GPR149: variants seen among roughly 807,000 people sequenced by gnomAD.
GPR149 encodes probable G protein-coupled receptor 149.
GPR149 carries 50 observed loss-of-function variants against 50.2 expected under a neutral mutation model. The ratio of observed to expected loss-of-function variants is 1.00; its 90% CI spans 0.79 to 1.26. GPR149 has a LOEUF of 1.26. Among genes scored for constraint, GPR149 ranks in the 50% most tolerant of loss-of-function variants. GPR149 has a pLI of 0.00. For synonymous variants in GPR149, 405 were observed against 358.2 expected (o/e 1.13, Z -1.48); for missense variants, 983 against 895.4 (o/e 1.10, Z -1.25).
chr3:154,348,669 C>A (rs182021490), intron 3 of GPR149, among the ~76,000 whole-genome samples: 112 of 152,242 alleles, frequency 7.4e-4, no homozygotes, highest in African/African-American at 2.6e-3. Flanking sequence ...GAGACTTCAA[C>A]CCCTCTCTCG....
intron 3 of GPR149, among the ~76,000 whole-genome samples, chr3:154,359,717 C>G (rs942794370): frequency 6.6e-6 from 1 of 152,164 alleles, no homozygotes; most frequent in Admixed American, 6.5e-5. Flanking sequence ...CTCTTCTTCT[C>G]CAGCTTTCTC....
At position 154,336,874 on chromosome 3, in the gene GPR149, C is replaced by A. The variant is rs1295733076; in HGVS notation, c.*825G>T. 3 of 151,882 alleles carry A rather than the reference C, an allele frequency of 2.0e-5. No individual in the cohort carries two copies. The highest frequency in any genetic ancestry group is 1.3e-4 in the Admixed American group (2 of 15,250). 9.4% of individuals were successfully genotyped at this position (151,882 alleles called of 1,614,324 possible). A position where few individuals can be genotyped will look rare whatever the true frequency, so the allele number is the denominator to read the frequency against. The stretch of plus-strand genomic sequence containing the variant: ...GATGTACCTCTCATAACTGAATCTG[C>A]CAGTATTTTCTCCCAATTTCCACTC... On this transcript the variant is annotated 3_prime_UTR_variant, in exon 4 of 4. Coordinates refer to ENST00000389740, the MANE Select transcript of GPR149 (RefSeq NM_001038705.3).
intron 3 of GPR149, among the ~76,000 whole-genome samples, chr3:154,416,098 T>A (rs1711979948): frequency 6.6e-6 from 1 of 151,888 alleles, no homozygotes. Context: ...TTTAAATAGT[T>A]TATTTTTTAA....
chr3:154,353,024 A>G lies in GPR149; in HGVS notation c.1624-14753T>C. On this transcript the variant is annotated intron_variant, in intron 3 of 3. Coordinates refer to ENST00000389740, the MANE Select transcript of GPR149 (RefSeq NM_001038705.3). The stretch of plus-strand genomic sequence containing the variant: ...TGGTTGCCACCAAAACTTTAAAACT[A>G]TCTTCTCTGAAGCCTTTTAGTGTAA... The G allele has an allele frequency of 4.4e-6, 6 of 1,351,218 alleles. No individual in the cohort carries two copies. The South Asian group carries it at 5.8e-5, about 13-fold the overall frequency. The allele number at this position is 1,351,218 out of a possible 1,614,324, so 83.7% of individuals were successfully genotyped here.
At chr3:154,416,773 C>A (rs1712002144) in intron 3 of GPR149, among the ~76,000 whole-genome samples, 1 of 151,852 alleles carries the variant, frequency 6.6e-6, no homozygotes, top group Non-Finnish European at 1.5e-5. Flanking sequence ...AACACAATTA[C>A]CTCCCTCTGC....
intron 1 of GPR149, 125 bp from the exon 2 acceptor site, chr3:154,427,833 C>T (rs975713660): frequency 6.6e-6 from 6 of 904,548 alleles, no homozygotes; most frequent in Non-Finnish European, 8.2e-6. Flanking sequence ...GCGGGGACCT[C>T]TGCTACGGAG....
chr3:154,382,621 A>G (rs1393148477), intron 3 of GPR149, among the ~76,000 whole-genome samples: 1 of 152,218 alleles, frequency 6.6e-6, no homozygotes, highest in East Asian at 1.9e-4. Context: ...ATTTTAAATA[A>G]TGCTCAAATT....
At position 154,352,293 on chromosome 3, in the gene GPR149, C is replaced by T. The variant is rs976930663; in HGVS notation, c.1624-14022G>A. ...ACCTGACTGGCCTGACCCGCCTGAC[C>T]AGCCACTTGACCAGCCATTCCTCCG... is the stretch of plus-strand genomic sequence containing the variant. On this transcript the variant is annotated intron_variant, in intron 3 of 3. Coordinates refer to ENST00000389740, the MANE Select transcript of GPR149 (RefSeq NM_001038705.3). The T allele has an allele frequency of 4.5e-6, 4 of 886,388 alleles. No individual in the cohort carries two copies. The African/African-American group carries it at 6.7e-5, about 15-fold the overall frequency. The allele number at this position is 886,388 out of a possible 1,614,324, so 54.9% of individuals were successfully genotyped here. A position where few individuals can be genotyped will look rare whatever the true frequency, so the allele number is the denominator to read the frequency against.
At chr3:154,352,327 TAGAAG>T in intron 3 of GPR149, 1 of 1,033,838 alleles carries the variant, frequency 9.7e-7, no homozygotes, top group Non-Finnish European at 1.5e-6. Context: ...CGTTGGGGAT[TAGAAG>T]ACTTGTTTCC....
At chr3:154,348,748 T>G (rs1281061364) in intron 3 of GPR149, among the ~76,000 whole-genome samples, 1 of 152,076 alleles carries the variant, frequency 6.6e-6, no homozygotes, top group Non-Finnish European at 1.5e-5. Flanking sequence ...ATCAATAAGA[T>G]CTAATCAACA....
At chr3:154,339,536 T>C (rs1423399582) in intron 3 of GPR149, among the ~76,000 whole-genome samples, 2 of 152,132 alleles carry the variant, frequency 1.3e-5, no homozygotes, top group Non-Finnish European at 2.9e-5. Context: ...CCTGGGACTG[T>C]CCCATATTTA....
Position 154,337,930 on chromosome 3 carries a change from G to C in GPR149, c.1965C>G (p.Ser655=). ...TQVRSPSLRY[S]RKENRFVSCD... ...ATGAAACAAATCTGTTTTCTTTCCT[G>C]GAGTAACGTAGGGATGGAGATCTGA... Residue 655 remains serine (S), a synonymous_variant, in exon 4 of 4, where the codon TCC becomes TCG. Transcript: ENST00000389740. 11 of 1,613,002 alleles carry C rather than the reference G, an allele frequency of 6.8e-6. No individual in the cohort carries two copies. The highest frequency in any genetic ancestry group is 9.3e-6 in the Non-Finnish European group (11 of 1,179,352).
intron 3 of GPR149, among the ~76,000 whole-genome samples, chr3:154,373,111 A>T (rs1437726381): frequency 6.6e-6 from 1 of 152,080 alleles, no homozygotes; most frequent in Admixed American, 6.6e-5. Context: ...GTGAAATGAG[A>T]AGAGGGTATT....
intron 2 of GPR149, among the ~76,000 whole-genome samples, chr3:154,423,907 G>C (rs962714685): frequency 4.2e-4 from 64 of 151,758 alleles, no homozygotes; most frequent in African/African-American, 1.4e-3. Flanking sequence ...GTGCAGATTT[G>C]TTACATATGT....
At chr3:154,387,408 C>T (rs1384093407) in intron 3 of GPR149, among the ~76,000 whole-genome samples, 1 of 152,176 alleles carries the variant, frequency 6.6e-6, no homozygotes, top group African/African-American at 2.4e-5. Context: ...GTTTCAGACC[C>T]AGCCTTGGGC....
chr3:154,385,693 T>C (rs1715029165), intron 3 of GPR149, among the ~76,000 whole-genome samples: 1 of 123,922 alleles, frequency 8.1e-6, no homozygotes, highest in African/African-American at 3.0e-5. Context: ...AATTTCTTTC[T>C]TTCTTTCTTT....
At position 154,337,412 on chromosome 3, in the gene GPR149, G is replaced by A. The variant is rs1175209381; in HGVS notation, c.*287C>T. 2.6e-5 allele frequency among the ~76,000 whole-genome samples: 4 copies of A among 152,084 alleles called. No individual in the cohort carries two copies. The highest frequency in any genetic ancestry group is 4.4e-5 in the Non-Finnish European group (3 of 67,998). On this transcript the variant is annotated 3_prime_UTR_variant, in exon 4 of 4. Coordinates refer to ENST00000389740, the MANE Select transcript of GPR149 (RefSeq NM_001038705.3). ...TTTCTGTTTACTAGGAAGTTGACAA[G>A]CAAAAACATTGGTAAACTAGGCCAA...
At chr3:154,406,869 A>G (rs1042485126) in intron 3 of GPR149, among the ~76,000 whole-genome samples, 4 of 152,230 alleles carry the variant, frequency 2.6e-5, no homozygotes, top group African/African-American at 9.7e-5. Flanking sequence ...TGATAAAGAC[A>G]TACCTGAGAC....
chr3:154,418,863 A>C (rs1305008128), intron 3 of GPR149, among the ~76,000 whole-genome samples: 1 of 152,092 alleles, frequency 6.6e-6, no homozygotes, highest in Non-Finnish European at 1.5e-5. Context: ...TTTCAAAAAA[A>C]AAGAACCTTT....
Sources: gnomAD v4.1 joint callset for allele counts (sites outside exome capture counted in the v4.1 genomes callset) on GRCh38, gnomAD v4.1.1 for gene constraint, MANE v1.5 for transcripts, NCBI Gene and HGNC (gene_info 2026-07-23, HGNC 2026-07-21) for gene names.